FLT1: variants seen among roughly 807,000 people sequenced by gnomAD.
FLT1 encodes vascular endothelial growth factor receptor 1.
In FLT1, 49 loss-of-function variants were observed where a neutral mutation model predicts 156.3. The ratio of observed to expected loss-of-function variants is 0.31; its 90% CI spans 0.25 to 0.40. The LOEUF (loss-of-function observed/expected upper bound fraction) is 0.40. FLT1 is among the 10% of genes least tolerant of loss of function. The pLI is 1.00. For synonymous variants in FLT1, 594 were observed against 583.8 expected, an observed-to-expected ratio of 1.02 and a Z score of -0.25; for missense variants, 1,322 against 1,637.2, an observed-to-expected ratio of 0.81 and a Z score of 3.32.
At chr13:28,383,587 G>T (rs965748164) in intron 14 of FLT1, among the ~76,000 whole-genome samples, 1 of 151,938 alleles carries the variant, frequency 6.6e-6, no homozygotes. Flanking sequence ...GGCGTGACCT[G>T]GGTGGTAGAG....
At chr13:28,418,358 C>T (rs911155946) in intron 10 of FLT1, among the ~76,000 whole-genome samples, 1 of 152,144 alleles carries the variant, frequency 6.6e-6, no homozygotes, top group Non-Finnish European at 1.5e-5. Context: ...CTTTCCTCTC[C>T]CATCCTCTGC....
intron 3 of FLT1, among the ~76,000 whole-genome samples, chr13:28,457,233 C>T (rs1357930258): frequency 2.0e-5 from 3 of 151,910 alleles, no homozygotes; most frequent in African/African-American, 7.3e-5. Context: ...AATGAGAGCA[C>T]TACTTCACAG....
chr13:28,406,997 G>A (rs757598057), intron 10 of FLT1, among the ~76,000 whole-genome samples: 1 of 152,050 alleles, frequency 6.6e-6, no homozygotes, highest in Non-Finnish European at 1.5e-5. Context: ...TTAAACTATC[G>A]CATCTGCAGG....
At position 28,303,142 on chromosome 13, in the gene FLT1, T is replaced by C; in HGVS notation, c.*25A>G. On this transcript the variant is annotated 3_prime_UTR_variant, in exon 30 of 30. Transcript: ENST00000282397. ...GGGGGTATAAATACACATGTGCTTC[T>C]AGAAATAAGGCTTCGTGTCAAACTC... 1 of 1,601,362 alleles carries C rather than the reference T, an allele frequency of 6.2e-7. No homozygotes were observed. The highest frequency in any genetic ancestry group is 8.5e-7 in the Non-Finnish European group (1 of 1,176,874).
chr13:28,398,959 T>C lies in FLT1; in HGVS notation c.1552-1891A>G, dbSNP rs190874980. The C allele has an allele frequency of 4.3e-6, 4 of 922,914 alleles. No individual in the cohort carries two copies. In the East Asian group the frequency reaches 7.9e-5, roughly 18 times the overall value. The allele number at this position is 922,914 out of a possible 1,614,324, so 57.2% of individuals were successfully genotyped here. ...GAGCTCAGGTGTCCCTTTTCTTATT[T>C]TGATGATGAATCTTTTTAAGAGGTG... On this transcript the variant is annotated intron_variant, in intron 11 of 29. Transcript: ENST00000282397.
chr13:28,344,189 C>G (rs1039352874), intron 16 of FLT1, among the ~76,000 whole-genome samples: 7 of 152,170 alleles, frequency 4.6e-5, no homozygotes, highest in Non-Finnish European at 1.0e-4. Flanking sequence ...CTACGAGACC[C>G]TGCCTGGCCA....
chr13:28,452,805 C>T (rs1488808158), intron 3 of FLT1, among the ~76,000 whole-genome samples: 2 of 151,668 alleles, frequency 1.3e-5, no homozygotes, highest in African/African-American at 4.8e-5. Flanking sequence ...ATAATAAAAT[C>T]ATCAAATTAC....
At chr13:28,347,034 CT>C (rs753653794) in intron 15 of FLT1, among the ~76,000 whole-genome samples, 1 of 152,104 alleles carries the variant, frequency 6.6e-6, no homozygotes, top group Non-Finnish European at 1.5e-5. Flanking sequence ...CCATTCAAAC[CT>C]AACCAAGAGA....
At chr13:28,459,802 A>T (rs1469657440) in intron 3 of FLT1, among the ~76,000 whole-genome samples, 1 of 152,240 alleles carries the variant, frequency 6.6e-6, no homozygotes, top group Non-Finnish European at 1.5e-5. Context: ...GATTCCATTG[A>T]CATATTTTTG....
chr13:28,337,915 C>G (rs972487778), intron 17 of FLT1, among the ~76,000 whole-genome samples: 11 of 152,180 alleles, frequency 7.2e-5, no homozygotes, highest in East Asian at 5.8e-4. Context: ...CCCATATTTC[C>G]TGCCAAGGTC....
At chr13:28,343,312 T>C (rs1326038867) in intron 16 of FLT1, among the ~76,000 whole-genome samples, 1 of 151,776 alleles carries the variant, frequency 6.6e-6, no homozygotes, top group African/African-American at 2.4e-5. Context: ...TTTCTTTTTT[T>C]TTTTTGAGAC....
rs1317015801 is a variant in FLT1 at position 28,430,383 on chromosome 13, G to A, written c.989-216C>T. Among the ~76,000 whole-genome samples the A allele has an allele frequency of 2.6e-5, 4 of 152,128 alleles. No individual in the cohort carries two copies. The East Asian group carries it at 7.7e-4, about 29-fold the overall frequency. Reference sequence around the variant, plus strand: ...TCAAATCAAATGGTATCACGTCCTAGCCACATAAAACAGTGGCAGAGCAAC... The same window carrying A: ...TCAAATCAAATGGTATCACGTCCTAACCACATAAAACAGTGGCAGAGCAAC... On this transcript the variant is annotated intron_variant, in intron 7 of 29. Coordinates refer to ENST00000282397, the MANE Select transcript of FLT1 (RefSeq NM_002019.4).
intron 2 of FLT1, 133 bp from the exon 3 acceptor site, chr13:28,467,262 G>A: frequency 1.3e-6 from 1 of 770,662 alleles, no homozygotes; most frequent in Non-Finnish European, 2.3e-6. Flanking sequence ...TTACGGGAAA[G>A]CAACACATTC....
intron 14 of FLT1, among the ~76,000 whole-genome samples, chr13:28,366,751 G>A (rs147979958): frequency 0.027 from 4,044 of 152,258 alleles, 131 homozygotes; most frequent in Admixed American, 0.089. Flanking sequence ...GATTACAGGC[G>A]TGAGCCACCA....
In FLT1 at chr13:28,494,801, G is replaced by T; in HGVS notation, c.43C>A (p.Leu15Ile). 6.3e-7 allele frequency: 1 copy of T among 1,575,336 alleles called. No individual in the cohort carries two copies. The highest frequency in any genetic ancestry group is 8.6e-7 in the Non-Finnish European group (1 of 1,165,718). ...WDTGVLLCAL[L>I]SCLLLTGSSS... ...TCACCTGTGAGAAGCAGACAGCTGA[G>T]CAGCGCGCACAGCAGGACCCCGGTG... Residue 15 changes from leucine to isoleucine, a missense_variant, in exon 1 of 30, where the codon CTC becomes ATC. Transcript: ENST00000282397.
intron 1 of FLT1, among the ~76,000 whole-genome samples, chr13:28,481,234 C>T (rs998508032): frequency 6.6e-5 from 10 of 152,138 alleles, no homozygotes; most frequent in Admixed American, 2.0e-4. Flanking sequence ...TCCTGGGAAG[C>T]AATTCTCTAG....
intron 14 of FLT1, among the ~76,000 whole-genome samples, chr13:28,369,793 G>A (rs1386779520): frequency 6.6e-6 from 1 of 152,210 alleles, no homozygotes; most frequent in Non-Finnish European, 1.5e-5. Flanking sequence ...AGCGTCTAAA[G>A]GAGACTTGAT....
At chr13:28,399,704 GA>G in intron 11 of FLT1, among the ~76,000 whole-genome samples, 1 of 152,266 alleles carries the variant, frequency 6.6e-6, no homozygotes, top group South Asian at 2.1e-4. Context: ...GAAATGTATT[GA>G]ATTTTTCTTC....
At chr13:28,342,858 T>C (rs1046935841) in intron 16 of FLT1, among the ~76,000 whole-genome samples, 1 of 152,246 alleles carries the variant, frequency 6.6e-6, no homozygotes, top group African/African-American at 2.4e-5. Flanking sequence ...GAAGGCCTTC[T>C]GATACTTCTC....
Sources: gnomAD v4.1 joint callset for allele counts (sites outside exome capture counted in the v4.1 genomes callset) on GRCh38, gnomAD v4.1.1 for gene constraint, MANE v1.5 for transcripts, NCBI Gene and HGNC (gene_info 2026-07-23, HGNC 2026-07-21) for gene names.